CUX2: variants seen among roughly 807,000 people sequenced by gnomAD.
CUX2 encodes the protein homeobox protein cut-like 2.
A neutral mutation model predicts 144.8 loss-of-function variants in CUX2; 40 were observed. The ratio of observed to expected loss-of-function variants is 0.28; its 90% confidence interval spans 0.21 to 0.36. CUX2 has a LOEUF of 0.36. Ranked by LOEUF, CUX2 falls within the 10% of genes least tolerant of loss-of-function variation. The probability of loss-of-function intolerance (pLI) is 1.00; values close to 1 mark genes in which losing one functional copy is unlikely to be tolerated. For missense variants in CUX2, 1,615 were observed against 1,994.0 expected (o/e 0.81, Z 3.62); for synonymous variants, 827 against 875.6 (o/e 0.94, Z 0.98).
At chr12:111,128,873 A>G (rs1416079297) in intron 1 of CUX2, among the ~76,000 whole-genome samples, 1 of 152,188 alleles carries the variant, frequency 6.6e-6, no homozygotes, top group Non-Finnish European at 1.5e-5. Flanking sequence ...CAAGCAATAG[A>G]GCAGCTTTCA....
At chr12:111,165,179 T>A (rs1290721987) in intron 1 of CUX2, among the ~76,000 whole-genome samples, 1 of 152,126 alleles carries the variant, frequency 6.6e-6, no homozygotes, top group African/African-American at 2.4e-5. Context: ...CGGGTAAGGA[T>A]GGGGTGGAGG....
At chr12:111,326,614 C>T (rs572502866) in intron 18 of CUX2, among the ~76,000 whole-genome samples, 2 of 151,910 alleles carry the variant, frequency 1.3e-5, no homozygotes, top group South Asian at 4.2e-4. Context: ...TAGTAAAATT[C>T]ACATAACAGC....
chr12:111,062,058 G>C (rs1037865511), intron 1 of CUX2, among the ~76,000 whole-genome samples: 1 of 152,248 alleles, frequency 6.6e-6, no homozygotes, highest in African/African-American at 2.4e-5. Flanking sequence ...GACTGTTCTA[G>C]CACGGAGTAA....
At chr12:111,076,569 G>C (rs866228563) in intron 1 of CUX2, among the ~76,000 whole-genome samples, 1 of 152,232 alleles carries the variant, frequency 6.6e-6, no homozygotes, top group South Asian at 2.1e-4. Context: ...CAAGGAGCCA[G>C]TGGGAGCTTC....
intron 1 of CUX2, among the ~76,000 whole-genome samples, chr12:111,121,563 T>C (rs1307244455): frequency 1.3e-5 from 2 of 151,888 alleles, no homozygotes; most frequent in East Asian, 3.9e-4. Context: ...GGTTTCATCA[T>C]GTTGGCCAGG....
At chr12:111,088,722 A>G (rs1291156146) in intron 1 of CUX2, among the ~76,000 whole-genome samples, 1 of 152,176 alleles carries the variant, frequency 6.6e-6, no homozygotes, top group Non-Finnish European at 1.5e-5. Context: ...CAGACCTGGG[A>G]GTGTCAGGCC....
intron 1 of CUX2, among the ~76,000 whole-genome samples, chr12:111,153,903 G>A (rs1261918226): frequency 2.0e-5 from 3 of 152,098 alleles, no homozygotes; most frequent in Non-Finnish European, 4.4e-5. Flanking sequence ...CGGCAGCGGC[G>A]GTTTCTTCTA....
intron 1 of CUX2, among the ~76,000 whole-genome samples, chr12:111,167,061 G>A (rs528776897): frequency 3.9e-5 from 6 of 152,224 alleles, no homozygotes; most frequent in Admixed American, 2.6e-4. Context: ...CAGGGAGAGC[G>A]AGAGCGCCAG....
Position 111,265,760 on chromosome 12 carries a change from C to T in CUX2, c.301+1921C>T, listed in dbSNP as rs945696274. On this transcript the variant is annotated intron_variant, in intron 4 of 21. Transcript: ENST00000261726. ...TACCAATGGCAGAGCCCGGAGGAGG[C>T]CTTGCTGTGCTAACTCTCCCCACCC... 7.9e-5 allele frequency among the ~76,000 whole-genome samples: 12 copies of T among 152,112 alleles called. 1 individual carries two copies. Among genetic ancestry groups the T allele is most frequent in the Admixed American group, 7.9e-4 (12 of 15,268 alleles).
At chr12:111,170,671 A>G (rs941058112) in intron 1 of CUX2, among the ~76,000 whole-genome samples, 15 of 151,204 alleles carry the variant, frequency 9.9e-5, no homozygotes, top group Non-Finnish European at 1.9e-4. Context: ...CTGATGACAA[A>G]GCCTGGGTTC....
At position 111,320,857 on chromosome 12, in the gene CUX2, G is replaced by T; in HGVS notation, c.2766+82G>T. The T allele has an allele frequency of 7.4e-7, 1 of 1,355,902 alleles. No homozygotes were observed. The allele number at this position is 1,355,902 out of a possible 1,614,324, so 84.0% of individuals were successfully genotyped here. A position where few individuals can be genotyped will look rare whatever the true frequency, so the allele number is the denominator to read the frequency against. On this transcript the variant is annotated intron_variant, in intron 17 of 21. Coordinates refer to ENST00000261726, the MANE Select transcript of CUX2 (RefSeq NM_015267.4). This position sits in a 1 kb window ranked among gnomAD's most constrained non-coding sequence, Gnocchi z 8.1. Reference sequence around the variant, plus strand: ...AGGATGCCCACCCAAGCAGGCTGGCGGGACCCCAGGGGCCCAGGCCCTTCA... The same window carrying T: ...AGGATGCCCACCCAAGCAGGCTGGCTGGACCCCAGGGGCCCAGGCCCTTCA...
At chr12:111,216,466 A>G (rs969581749) in intron 2 of CUX2, among the ~76,000 whole-genome samples, 1 of 152,206 alleles carries the variant, frequency 6.6e-6, no homozygotes, top group African/African-American at 2.4e-5. Flanking sequence ...AATATTTAGC[A>G]TCTCAGATGA....
intron 1 of CUX2, among the ~76,000 whole-genome samples, chr12:111,051,961 A>G (rs1870287651): frequency 6.6e-6 from 1 of 152,058 alleles, no homozygotes; most frequent in African/African-American, 2.4e-5. Context: ...TCAAGTTCAG[A>G]TTTATAGCAG....
rs372290639 is a variant in CUX2 at position 111,347,608 on chromosome 12, G to T, written c.3744G>T (p.Pro1248=). The T allele has an allele frequency of 6.2e-7, 1 of 1,613,600 alleles. No individual in the cohort carries two copies. Among genetic ancestry groups the T allele is most frequent in the Non-Finnish European group, 8.5e-7 (1 of 1,179,848 alleles). The change falls in exon 22 of 22, where the codon CCG becomes CCT. Residue 1248 remains proline (P), a synonymous_variant. Coordinates refer to ENST00000261726, the MANE Select transcript of CUX2 (RefSeq NM_015267.4). ...LDPSGGPGIL[P]PGHSHPDPTP... is the part of the protein sequence containing the mutation. ...CAAGCGGGGGTCCTGGAATCCTACC[G>T]CCAGGCCACTCCCACCCAGACCCCA...
At chr12:111,051,151 AAG>A (rs1870245502) in intron 1 of CUX2, among the ~76,000 whole-genome samples, 1 of 152,220 alleles carries the variant, frequency 6.6e-6, no homozygotes, top group African/African-American at 2.4e-5. Flanking sequence ...TTGTTTTAAA[AAG>A]TACCATTTCC....
intron 1 of CUX2, among the ~76,000 whole-genome samples, chr12:111,203,973 G>A (rs970547047): frequency 2.0e-5 from 3 of 152,232 alleles, no homozygotes; most frequent in Non-Finnish European, 2.9e-5. Context: ...CAGGGCCTCA[G>A]GGCTGGTGGC....
chr12:111,140,342 A>C (rs1035615807), intron 1 of CUX2, among the ~76,000 whole-genome samples: 8 of 152,304 alleles, frequency 5.3e-5, no homozygotes, highest in Non-Finnish European at 1.0e-4. Context: ...GGCAACTCTC[A>C]CTTTCTCATC....
chr12:111,250,584 G>A (rs951636785), intron 3 of CUX2, among the ~76,000 whole-genome samples: 2 of 152,196 alleles, frequency 1.3e-5, no homozygotes, highest in African/African-American at 2.4e-5. Context: ...CCTGGCCTTC[G>A]GAGGCTGAGC....
At chr12:111,286,428 A>G (rs1885385092) in intron 4 of CUX2, among the ~76,000 whole-genome samples, 1 of 152,126 alleles carries the variant, frequency 6.6e-6, no homozygotes, top group South Asian at 2.1e-4. Context: ...TCTTTTTTAA[A>G]TCTTCCCAAT....
Sources: allele counts gnomAD v4.1 joint callset (sites outside exome capture counted in the v4.1 genomes callset), GRCh38; gene constraint gnomAD v4.1.1; non-coding constraint Gnocchi (gnomAD v3.1); transcripts MANE v1.5; gene names NCBI Gene and HGNC (gene_info 2026-07-23, HGNC 2026-07-21).